Variants in SCML4 observed in about 807,000 individuals in gnomAD.
The protein encoded by SCML4 is sex comb on midleg-like protein 4.
A neutral mutation model predicts 41.1 loss-of-function variants in SCML4; 34 were observed. The ratio of observed to expected loss-of-function variants is 0.83; its 90% CI spans 0.63 to 1.10. The LOEUF is 1.10. Ranked by LOEUF, SCML4 falls within the 50% of genes least tolerant of loss-of-function variation. The probability of loss-of-function intolerance (pLI) is 0.00; values close to 1 mark genes in which losing one functional copy is unlikely to be tolerated. For missense variants in SCML4, 522 were observed against 534.1 expected, an observed-to-expected ratio of 0.98 and a Z score of 0.22; for synonymous variants, 214 against 220.9, an observed-to-expected ratio of 0.97 and a Z score of 0.28.
chr6:107,788,403 A>G (rs9486698), intron 1 of SCML4, among the ~76,000 whole-genome samples: 48,247 of 152,144 alleles, frequency 0.32, 7,764 homozygotes, highest in Middle Eastern at 0.35. Flanking sequence ...GATACAAATT[A>G]CTATTCTTCC....
chr6:107,820,664 T>C (rs1234647688), intron 1 of SCML4, among the ~76,000 whole-genome samples: 1 of 151,658 alleles, frequency 6.6e-6, no homozygotes, highest in Non-Finnish European at 1.5e-5. Flanking sequence ...CCAAGACGAG[T>C]GCAACAATGA....
At chr6:107,709,867 C>T (rs965863879) in intron 6 of SCML4, among the ~76,000 whole-genome samples, 6 of 152,232 alleles carry the variant, frequency 3.9e-5, no homozygotes, top group Middle Eastern at 3.4e-3. Context: ...CCCACCATCA[C>T]GCCCAGCTAA....
intron 1 of SCML4, among the ~76,000 whole-genome samples, chr6:107,814,923 A>G (rs1784454985): frequency 6.6e-6 from 1 of 152,208 alleles, no homozygotes; most frequent in Non-Finnish European, 1.5e-5. Context: ...AGACTGACAC[A>G]TGATAGAAAG....
chr6:107,828,863 A>G (rs1785322736), upstream of SCML4, among the ~76,000 whole-genome samples: 1 of 152,188 alleles, frequency 6.6e-6, no homozygotes, highest in African/African-American at 2.4e-5. Flanking sequence ...CTTAGCTTCA[A>G]CTACTCAAGC....
At chr6:107,839,177 C>T in the SCML4 span, among the ~76,000 whole-genome samples, 1 of 151,906 alleles carries the variant, frequency 6.6e-6, no homozygotes, top group Admixed American at 6.6e-5. Context: ...CCTGTAGTCT[C>T]ACCTATTCGG....
intron 1 of SCML4, among the ~76,000 whole-genome samples, chr6:107,777,015 G>C (rs1431825934): frequency 1.3e-5 from 2 of 152,138 alleles, no homozygotes; most frequent in East Asian, 3.8e-4. Flanking sequence ...AAAGGTCTGG[G>C]GAAAGTAATC....
chr6:107,720,959 G>C lies in SCML4; in HGVS notation c.717C>G (p.Asn239Lys), dbSNP rs1775341861. The C allele has an allele frequency of 6.2e-7, 1 of 1,613,370 alleles. No homozygotes were observed. Among genetic ancestry groups the C allele is most frequent in the South Asian group, 1.1e-5 (1 of 90,996 alleles). ...CGCTGTAGCGGTTCATGCCCACAGG[G>C]TTCACCAGGTACTCTTCGGTGGTGA... is the stretch of plus-strand genomic sequence containing the variant. ...KTVTTEEYLV[N>K]PVGMNRYSVD... The change falls in exon 6 of 8, where the codon AAC (asparagine) becomes AAG (lysine). Residue 239 changes from asparagine (N) to lysine (K), a missense_variant. Coordinates refer to ENST00000369020, the MANE Select transcript of SCML4 (RefSeq NM_198081.5).
At chr6:107,712,017 A>T (rs1774268061) in intron 6 of SCML4, among the ~76,000 whole-genome samples, 1 of 152,132 alleles carries the variant, frequency 6.6e-6, no homozygotes, top group Non-Finnish European at 1.5e-5. Flanking sequence ...AGGGTCCCAT[A>T]AGGTGGTTTG....
At chr6:107,800,711 T>G (rs1283125306) in intron 1 of SCML4, among the ~76,000 whole-genome samples, 1 of 152,234 alleles carries the variant, frequency 6.6e-6, no homozygotes, top group Admixed American at 6.5e-5. Flanking sequence ...GGGGCCCAAT[T>G]CTACAGACAT....
chr6:107,843,830 G>A, the SCML4 span, among the ~76,000 whole-genome samples: 35 of 152,288 alleles, frequency 2.3e-4, no homozygotes, highest in African/African-American at 8.4e-4. Context: ...CAGAATTAGG[G>A]AGACCCTAAT....
chr6:107,748,172 A>G (rs1778301206), intron 3 of SCML4, among the ~76,000 whole-genome samples: 1 of 152,258 alleles, frequency 6.6e-6, no homozygotes, highest in Non-Finnish European at 1.5e-5. Context: ...TAGAAATTGT[A>G]AAAGGATGAG....
chr6:107,768,046 A>T (rs1684809307), intron 2 of SCML4, among the ~76,000 whole-genome samples: 1 of 148,522 alleles, frequency 6.7e-6, no homozygotes, highest in South Asian at 2.1e-4. Context: ...GGATCTCTCG[A>T]GCTCAGGCAT....
rs972843110 is a variant in SCML4 at position 107,764,718 on chromosome 6, C to G, written c.156+7454G>C. Among the ~76,000 whole-genome samples the G allele has an allele frequency of 2.6e-5, 4 of 152,138 alleles. No individual in the cohort carries two copies. In the South Asian group the frequency reaches 8.3e-4, roughly 32 times the overall value. The stretch of plus-strand genomic sequence containing the variant: ...TGATATGGTTTCACTGTGTCCCCAC[C>G]CAAATCTCATCTTGAATTGTAGCTC... On this transcript the variant is annotated intron_variant, in intron 2 of 7. Transcript: ENST00000369020.
chr6:107,810,523 C>G (rs1443641153), intron 1 of SCML4, among the ~76,000 whole-genome samples: 1 of 152,142 alleles, frequency 6.6e-6, no homozygotes, highest in Non-Finnish European at 1.5e-5. Flanking sequence ...CAGATCATCT[C>G]CTCTGCCCTG....
intron 5 of SCML4, among the ~76,000 whole-genome samples, chr6:107,721,648 C>T (rs1329586410): frequency 6.6e-6 from 1 of 152,198 alleles, no homozygotes; most frequent in Admixed American, 6.5e-5. Context: ...ACCAGCACAG[C>T]CCCCCTCACC....
At chr6:107,778,222 A>AATATAT (rs1163805768) in intron 1 of SCML4, among the ~76,000 whole-genome samples, 108 of 15,102 alleles carry the variant, frequency 7.2e-3, no homozygotes, top group Non-Finnish European at 0.011. Flanking sequence ...AAAAAAAAAA[A>AATATAT]ATATATATAT....
At chr6:107,714,306 C>T (rs1270102035) in intron 6 of SCML4, among the ~76,000 whole-genome samples, 1 of 152,142 alleles carries the variant, frequency 6.6e-6, no homozygotes, top group Non-Finnish European at 1.5e-5. Flanking sequence ...CTAGCAAGCA[C>T]TGTTACCTCT....
intron 5 of SCML4, among the ~76,000 whole-genome samples, chr6:107,732,809 C>T (rs991030277): frequency 1.3e-5 from 2 of 152,130 alleles, no homozygotes; most frequent in South Asian, 4.2e-4. Flanking sequence ...ACAGCCCCCA[C>T]AATTTTTTGG....
chr6:107,705,754 C>T (rs571131585), intron 7 of SCML4, among the ~76,000 whole-genome samples: 22 of 152,162 alleles, frequency 1.4e-4, no homozygotes, highest in Non-Finnish European at 2.8e-4. Flanking sequence ...AGTAGGCCCA[C>T]CTACCTTTAG....
Sources: allele counts gnomAD v4.1 joint callset (sites outside exome capture counted in the v4.1 genomes callset), GRCh38; gene constraint gnomAD v4.1.1; transcripts MANE v1.5; gene names NCBI Gene and HGNC (gene_info 2026-07-23, HGNC 2026-07-21).